The following ZFAT variants were observed in gnomAD, a reference collection of about 807,000 sequenced individuals.
The protein encoded by ZFAT is zinc finger protein ZFAT.
ZFAT carries 64 observed loss-of-function variants against 117.7 expected under a neutral mutation model. The ratio of observed to expected loss-of-function variants is 0.54; its 90% confidence interval spans 0.44 to 0.67. The LOEUF is 0.67. Ranked by LOEUF, ZFAT falls within the 30% of genes least tolerant of loss-of-function variation. ZFAT has a pLI of 0.00. For missense variants in ZFAT, 1,433 were observed against 1,584.5 expected (o/e 0.90, Z 1.62); for synonymous variants, 679 against 615.0 (o/e 1.10, Z -1.54).
At chr8:134,498,426 ATTTGGTAGGGTCGGG>A (rs1818682326) in intron 15 of ZFAT, among the ~76,000 whole-genome samples, 4 of 29,184 alleles carry the variant, frequency 1.4e-4, no homozygotes, top group Non-Finnish European at 2.4e-4. Context: ...ACAGAGCCTG[ATTTGGTAGGGTCGGG>A]GTGGAGCTGG....
chr8:134,701,143 C>T lies in ZFAT; in HGVS notation c.19+11702G>A, dbSNP rs111877044. On this transcript the variant is annotated intron_variant, in intron 1 of 15. Coordinates refer to ENST00000377838, the MANE Select transcript of ZFAT (RefSeq NM_020863.4). ...ACCAGAAATTTTTCATCTTACAAAA[C>T]CGAAACTCTATGTCCATTAAACACT... 1.5e-3 allele frequency among the ~76,000 whole-genome samples: 228 copies of T among 152,314 alleles called. 1 individual carries two copies. Among genetic ancestry groups the T allele is most frequent in the African/African-American group, 5.3e-3 (220 of 41,564 alleles).
intron 5 of ZFAT, among the ~76,000 whole-genome samples, chr8:134,605,280 C>T (rs749052987): frequency 8.5e-5 from 13 of 152,252 alleles, no homozygotes; most frequent in Non-Finnish European, 1.5e-4. Flanking sequence ...GGCGCAGTGG[C>T]TCACGCCTGT....
At chr8:134,620,497 A>C (rs1165144760) in intron 3 of ZFAT, among the ~76,000 whole-genome samples, 1 of 152,218 alleles carries the variant, frequency 6.6e-6, no homozygotes, top group Admixed American at 6.5e-5. Context: ...TGGTGTGCCC[A>C]GCTCTTCCAG....
chr8:134,812,179 C>G, the ZFAT span, among the ~76,000 whole-genome samples: 1 of 151,912 alleles, frequency 6.6e-6, no homozygotes, highest in Non-Finnish European at 1.5e-5. Flanking sequence ...AATAAAATAC[C>G]TATCTTGGAG....
upstream of ZFAT, among the ~76,000 whole-genome samples, chr8:134,713,609 A>G (rs954912526): frequency 6.6e-5 from 10 of 151,624 alleles, no homozygotes; most frequent in Non-Finnish European, 1.5e-4. Context: ...TTGTCCCACA[A>G]CAAGTCTGCA....
intron 15 of ZFAT, among the ~76,000 whole-genome samples, chr8:134,496,375 T>C (rs1043627933): frequency 2.6e-5 from 4 of 152,208 alleles, no homozygotes; most frequent in African/African-American, 4.8e-5. Flanking sequence ...CTCCATCCAC[T>C]GTGACATGAG....
chr8:134,482,637 A>C (rs1451729736), intron 15 of ZFAT, among the ~76,000 whole-genome samples: 2 of 152,152 alleles, frequency 1.3e-5, no homozygotes, highest in African/African-American at 2.4e-5. Context: ...TTGCTTTTTC[A>C]ATTTTTAGCC....
At chr8:134,509,238 C>T (rs1039018311) in intron 15 of ZFAT, among the ~76,000 whole-genome samples, 1 of 152,178 alleles carries the variant, frequency 6.6e-6, no homozygotes, top group Non-Finnish European at 1.5e-5. Flanking sequence ...CTGGCTTCTC[C>T]GGCTACCCCC....
At chr8:134,817,447 TATTG>T in the ZFAT span, among the ~76,000 whole-genome samples, 43,073 of 145,990 alleles carry the variant, frequency 0.3, 6,900 homozygotes, top group African/African-American at 0.41. Context: ...AACGCACCCT[TATTG>T]ATTGTTTCTC....
chr8:134,507,218 A>C (rs1259990526), intron 15 of ZFAT, among the ~76,000 whole-genome samples: 1 of 152,242 alleles, frequency 6.6e-6, no homozygotes, highest in African/African-American at 2.4e-5. Flanking sequence ...AAAAGGTTGA[A>C]ACCAATTTTT....
At chr8:134,587,647 T>C (rs1412151950) in intron 9 of ZFAT, among the ~76,000 whole-genome samples, 4 of 152,162 alleles carry the variant, frequency 2.6e-5, no homozygotes, top group African/African-American at 9.7e-5. Context: ...TGACGGTCTG[T>C]TGCCCTAGTA....
chr8:134,538,887 G>A (rs9644454), intron 11 of ZFAT, among the ~76,000 whole-genome samples: 72,743 of 151,346 alleles, frequency 0.48, 17,899 homozygotes, highest in East Asian at 0.67. Flanking sequence ...AATGTGTTAA[G>A]GCTGAAATTC....
intron 11 of ZFAT, among the ~76,000 whole-genome samples, chr8:134,541,507 T>A (rs958967056): frequency 1.3e-5 from 2 of 152,168 alleles, no homozygotes; most frequent in African/African-American, 4.8e-5. Context: ...CTTTTCTTTA[T>A]AAATTACCCA....
intron 1 of ZFAT, among the ~76,000 whole-genome samples, chr8:134,667,445 A>G (rs1306742612): frequency 1.4e-5 from 2 of 146,520 alleles, no homozygotes; most frequent in Non-Finnish European, 3.0e-5. Flanking sequence ...GTGAGCTGGG[A>G]TCGCACCACT....
intron 10 of ZFAT, among the ~76,000 whole-genome samples, chr8:134,570,872 G>A (rs1403642594): frequency 1.3e-5 from 2 of 152,230 alleles, no homozygotes; most frequent in Non-Finnish European, 2.9e-5. Flanking sequence ...CAGTGGATGG[G>A]AGTTGTGTTT....
chr8:134,503,932 ACG>A (rs1819186978), intron 15 of ZFAT, among the ~76,000 whole-genome samples: 2 of 145,030 alleles, frequency 1.4e-5, no homozygotes, highest in Admixed American at 1.4e-4. Context: ...ACACACACAC[ACG>A]CACACGCACA....
At chr8:134,800,660 C>T in the ZFAT span, 2 of 407,618 alleles carry the variant, frequency 4.9e-6, no homozygotes, top group Non-Finnish European at 1.0e-5. Flanking sequence ...TTACGTAAGA[C>T]TCTGTTGAAA....
the ZFAT span, among the ~76,000 whole-genome samples, chr8:134,748,900 T>G: frequency 2.0e-5 from 3 of 152,208 alleles, no homozygotes; most frequent in African/African-American, 7.2e-5. Flanking sequence ...CTATTTTTTT[T>G]CCTATCAGGT....
intron 1 of ZFAT, among the ~76,000 whole-genome samples, chr8:134,692,351 C>T (rs1266553146): frequency 6.6e-6 from 1 of 152,180 alleles, no homozygotes; most frequent in African/African-American, 2.4e-5. Context: ...CAAGACAAAG[C>T]ACTGGAAGAA....
Sources: gnomAD v4.1 joint callset for allele counts (sites outside exome capture counted in the v4.1 genomes callset) on GRCh38, gnomAD v4.1.1 for gene constraint, MANE v1.5 for transcripts, NCBI Gene and HGNC (gene_info 2026-07-23, HGNC 2026-07-21) for gene names.